ANKS1B: variants seen among roughly 807,000 people sequenced by gnomAD.
ANKS1B encodes ankyrin repeat and sterile alpha motif domain-containing protein 1B.
ANKS1B carries 36 observed loss-of-function variants against 148.3 expected under a neutral mutation model. The observed-to-expected ratio is 0.24, with a 90% CI of 0.19 to 0.32. The LOEUF is 0.32. Among genes scored for constraint, ANKS1B ranks in the 10% least tolerant of loss-of-function variants. The pLI, the probability that ANKS1B is intolerant of heterozygous loss-of-function variation, is 1.00. For missense variants in ANKS1B, 1,157 were observed against 1,542.6 expected (o/e 0.75, Z 4.19); for synonymous variants, 542 against 560.8 (o/e 0.97, Z 0.47).
In ANKS1B at chr12:99,894,382, G is replaced by A. The variant is rs1033072326; in HGVS notation, c.135-68993C>T. Among the ~76,000 whole-genome samples the A allele has an allele frequency of 1.4e-4, 21 of 151,300 alleles. No homozygotes were observed. In the East Asian group the frequency reaches 3.5e-3, roughly 25 times the overall value. ...AAATTAGCCAGGTGTGGTAGTGCAC[G>A]CCTGTAGTCCCAGCTACTCAGGAGG... On this transcript the variant is annotated intron_variant, in intron 1 of 26. Coordinates refer to ENST00000683438, the MANE Select transcript of ANKS1B (RefSeq NM_001352186.2).
intron 12 of ANKS1B, among the ~76,000 whole-genome samples, chr12:99,307,376 TAGAG>T (rs1282054466): frequency 6.6e-6 from 1 of 151,726 alleles, no homozygotes; most frequent in African/African-American, 2.4e-5. Flanking sequence ...GACACTGGAA[TAGAG>T]AAAGGGTGAA....
rs2097850527 is a variant in ANKS1B at position 98,744,986 on chromosome 12, C to T, written c.*753G>A. ...TATTTGAAATGAAACCAGAAACATC[C>T]CTCGCAACTAACCTAGTTTTCTTAT... On this transcript the variant is annotated 3_prime_UTR_variant, in exon 27 of 27. Transcript: ENST00000683438. 1 of 985,608 alleles carries T rather than the reference C, an allele frequency of 1.0e-6. No homozygotes were observed. The highest frequency in any genetic ancestry group is 1.2e-6 in the Non-Finnish European group (1 of 829,904). 61.1% of individuals were successfully genotyped at this position (985,608 alleles called of 1,614,324 possible).
At chr12:99,258,878 G>C (rs574954065) in intron 12 of ANKS1B, among the ~76,000 whole-genome samples, 32 of 152,222 alleles carry the variant, frequency 2.1e-4, no homozygotes, top group African/African-American at 7.7e-4. Context: ...TTCTGGAAAG[G>C]AATTTATTTC....
chr12:98,908,309 AC>A (rs2099782186), intron 17 of ANKS1B, among the ~76,000 whole-genome samples: 1 of 152,214 alleles, frequency 6.6e-6, no homozygotes, highest in Admixed American at 6.5e-5. Flanking sequence ...GCTGGATAGG[AC>A]AAGAATGTTG....
At chr12:99,612,626 T>C (rs1327667067) in intron 9 of ANKS1B, among the ~76,000 whole-genome samples, 1 of 152,132 alleles carries the variant, frequency 6.6e-6, no homozygotes, top group Admixed American at 6.5e-5. Flanking sequence ...CATTTCATTA[T>C]GCTTATTTAA....
At chr12:99,700,782 C>G (rs1236560983) in intron 8 of ANKS1B, among the ~76,000 whole-genome samples, 2 of 152,138 alleles carry the variant, frequency 1.3e-5, no homozygotes, top group Non-Finnish European at 2.9e-5. Context: ...CTGTTCCTAA[C>G]TGGAAACTAA....
At chr12:99,528,444 CAAAAAA>C (rs1276451213) in intron 9 of ANKS1B, among the ~76,000 whole-genome samples, 2 of 123,552 alleles carry the variant, frequency 1.6e-5, no homozygotes, top group South Asian at 3.0e-4. Flanking sequence ...AAAAAAAAAA[CAAAAAA>C]AAAACCATCA....
chr12:99,526,479 T>C (rs1486093977), intron 9 of ANKS1B, among the ~76,000 whole-genome samples: 2 of 152,150 alleles, frequency 1.3e-5, no homozygotes, highest in African/African-American at 2.4e-5. Context: ...TTCTATTAAA[T>C]AATAAAATGG....
chr12:99,480,958 G>C (rs952028957), intron 10 of ANKS1B, among the ~76,000 whole-genome samples: 7 of 150,764 alleles, frequency 4.6e-5, no homozygotes, highest in Admixed American at 3.3e-4. Flanking sequence ...TTTTGTGTTG[G>C]ATATTTAATT....
chr12:99,037,428 C>A (rs1232916760), intron 17 of ANKS1B, among the ~76,000 whole-genome samples: 3 of 151,722 alleles, frequency 2.0e-5, no homozygotes, highest in Non-Finnish European at 4.4e-5. Flanking sequence ...AGGCTTGAAC[C>A]TGGGAGGCAG....
chr12:99,663,672 A>T (rs549409770), intron 8 of ANKS1B, among the ~76,000 whole-genome samples: 1 of 151,944 alleles, frequency 6.6e-6, no homozygotes, highest in South Asian at 2.1e-4. Flanking sequence ...CTCTGAAATG[A>T]CGTTACTATG....
At position 99,609,767 on chromosome 12, in the gene ANKS1B, C is replaced by G. The variant is rs533767363; in HGVS notation, c.1272+45300G>C. 9.2e-5 allele frequency among the ~76,000 whole-genome samples: 14 copies of G among 152,020 alleles called. 1 individual carries two copies. Among genetic ancestry groups the G allele is most frequent in the Non-Finnish European group, 1.5e-4 (10 of 67,964 alleles). ...TCCCTGAGAGGGAAAGGATCCATAA[C>G]AAATGGGTACCCCAAGGCTAAATTT... is the stretch of plus-strand genomic sequence containing the variant. On this transcript the variant is annotated intron_variant, in intron 9 of 26. Coordinates refer to ENST00000683438, the MANE Select transcript of ANKS1B (RefSeq NM_001352186.2).
At chr12:98,892,290 C>T (rs1366887800) in intron 17 of ANKS1B, among the ~76,000 whole-genome samples, 2 of 152,214 alleles carry the variant, frequency 1.3e-5, no homozygotes, top group Non-Finnish European at 2.9e-5. Flanking sequence ...TACTTCGAAA[C>T]ACACGGTGCT....
chr12:99,477,528 C>T (rs1351373363), intron 10 of ANKS1B, among the ~76,000 whole-genome samples: 4 of 152,074 alleles, frequency 2.6e-5, no homozygotes, highest in African/African-American at 4.8e-5. Context: ...CTAGCAATGC[C>T]ACCTTGAGTA....
At chr12:99,317,640 T>C (rs1012660993) in intron 12 of ANKS1B, among the ~76,000 whole-genome samples, 9 of 152,190 alleles carry the variant, frequency 5.9e-5, no homozygotes, top group Non-Finnish European at 8.8e-5. Flanking sequence ...CTTTTCCTAA[T>C]TGAATACCCT....
intron 17 of ANKS1B, among the ~76,000 whole-genome samples, chr12:98,895,475 G>A (rs572773217): frequency 3.7e-4 from 56 of 152,308 alleles, no homozygotes; most frequent in African/African-American, 1.3e-3. Context: ...GGAGGGCAAG[G>A]GGCAGAAGCA....
At chr12:98,917,495 C>T (rs1256943007) in intron 17 of ANKS1B, among the ~76,000 whole-genome samples, 1 of 151,982 alleles carries the variant, frequency 6.6e-6, no homozygotes, top group Non-Finnish European at 1.5e-5. Flanking sequence ...CCTAGCCCTT[C>T]TTTCTAGGTT....
chr12:99,881,832 C>A (rs2092520925), intron 1 of ANKS1B, among the ~76,000 whole-genome samples: 1 of 152,176 alleles, frequency 6.6e-6, no homozygotes, highest in South Asian at 2.1e-4. Context: ...TATCAACATT[C>A]ACCATAGGAT....
chr12:99,027,331 A>T (rs1243705487), intron 17 of ANKS1B, among the ~76,000 whole-genome samples: 1 of 152,212 alleles, frequency 6.6e-6, no homozygotes, highest in Non-Finnish European at 1.5e-5. Flanking sequence ...AGTAAAAAAC[A>T]TCTTGACCAG....
Sources: gnomAD v4.1 joint callset for allele counts (sites outside exome capture counted in the v4.1 genomes callset) on GRCh38, gnomAD v4.1.1 for gene constraint, MANE v1.5 for transcripts, NCBI Gene and HGNC (gene_info 2026-07-23, HGNC 2026-07-21) for gene names.